Variants in TOP2A observed in about 807,000 individuals in gnomAD.
The protein encoded by TOP2A is DNA topoisomerase 2-alpha.
In TOP2A, 68 loss-of-function variants were observed where a neutral mutation model predicts 187.2. The observed-to-expected ratio is 0.36, with a 90% CI of 0.30 to 0.44. The LOEUF (loss-of-function observed/expected upper bound fraction) is 0.44, where lower values mean the gene tolerates loss of function less well. TOP2A is among the 20% of genes least tolerant of loss of function. TOP2A has a pLI of 1.00. For synonymous variants in TOP2A, 542 were observed against 593.2 expected (o/e 0.91, Z 1.25); for missense variants, 1,196 against 1,808.7 (o/e 0.66, Z 6.14).
Position 40,392,722 on chromosome 17 carries a change from TTCTTTG to T in TOP2A, c.3821_3826del (p.Thr1274_Lys1275del). The T allele has an allele frequency of 6.2e-7, 1 of 1,610,792 alleles. No individual in the cohort carries two copies. Among genetic ancestry groups the T allele is most frequent in the Non-Finnish European group, 8.5e-7 (1 of 1,179,486 alleles). ...TGGCTTAAATGCCAATGTAGTTTGT[TTCTTTG>T]TCTTTGTACCTAGAGGGGAGATAGA... On this transcript the variant is annotated inframe_deletion, in exon 30 of 35. Transcript: ENST00000423485.
At chr17:40,394,568 A>G (rs1481476051) in intron 29 of TOP2A, among the ~76,000 whole-genome samples, 1 of 152,156 alleles carries the variant, frequency 6.6e-6, no homozygotes, top group Non-Finnish European at 1.5e-5. Context: ...CCTGACCTCA[A>G]GTGATCCGCC....
chr17:40,408,420 C>T lies in TOP2A; in HGVS notation c.1342+72G>A, dbSNP rs149091821. 3.7e-4 allele frequency: 523 copies of T among 1,407,602 alleles called. 3 individuals carry two copies. In the African/African-American group the frequency reaches 6.4e-3, roughly 17 times the overall value. The allele number at this position is 1,407,602 out of a possible 1,614,324, so 87.2% of individuals were successfully genotyped here. A position where few individuals can be genotyped will look rare whatever the true frequency, so the allele number is the denominator to read the frequency against. On this transcript the variant is annotated intron_variant, in intron 11 of 34. Coordinates refer to ENST00000423485, the MANE Select transcript of TOP2A (RefSeq NM_001067.4). Reference sequence around the variant, plus strand: ...TTCTGTCAAGGGAAAAATAAATATCCGTGGTATGCCATTAATGAATAAAAT... The same window carrying T: ...TTCTGTCAAGGGAAAAATAAATATCTGTGGTATGCCATTAATGAATAAAAT...
At chr17:40,399,353 TG>T in intron 24 of TOP2A, 1 of 492,090 alleles carries the variant, frequency 2.0e-6, no homozygotes, top group South Asian at 2.4e-5. Context: ...CATTTTTTTT[TG>T]GAGACAGGGT....
intron 1 of TOP2A, chr17:40,417,559 C>T: frequency 7.0e-7 from 1 of 1,433,224 alleles, no homozygotes; most frequent in Admixed American, 2.7e-5. Context: ...CAACAACGCA[C>T]GACACCCTGG....
At chr17:40,409,638 A>T (rs2035295082) in intron 10 of TOP2A, 3 of 280,500 alleles carry the variant, frequency 1.1e-5, no homozygotes, top group Non-Finnish European at 2.1e-5. Flanking sequence ...GCATGTCTGT[A>T]ATCCCCGCTA....
chr17:40,399,795 T>C, intron 24 of TOP2A, 77 bp downstream of exon 24: 2 of 1,321,806 alleles, frequency 1.5e-6, no homozygotes, highest in South Asian at 1.5e-5. Flanking sequence ...TCTCCACCAT[T>C]ACTCTCACCA....
At chr17:40,408,418 T>G in intron 11 of TOP2A, 74 bp downstream of exon 11, 1 of 1,407,714 alleles carries the variant, frequency 7.1e-7, no homozygotes, top group Non-Finnish European at 9.6e-7. Flanking sequence ...AAAATAAATA[T>G]CCGTGGTATG....
chr17:40,395,085 C>T lies in TOP2A; in HGVS notation c.3811+364G>A, dbSNP rs146118252. On this transcript the variant is annotated intron_variant, in intron 29 of 34. Transcript: ENST00000423485. Reference sequence around the variant, plus strand: ...AAATCACAAGGTCAGGAGTTTGAGACCAGCCTGACTAACATGGTGAAACCC... The same window carrying T: ...AAATCACAAGGTCAGGAGTTTGAGATCAGCCTGACTAACATGGTGAAACCC... Among the ~76,000 whole-genome samples, 883 of 152,078 alleles carry T rather than the reference C, an allele frequency of 5.8e-3. 8 individuals carry two copies. Among genetic ancestry groups the T allele is most frequent in the African/African-American group, 0.02 (823 of 41,486 alleles).
At chr17:40,415,161 TCTC>T (rs1360183503) in intron 4 of TOP2A, among the ~76,000 whole-genome samples, 2 of 151,658 alleles carry the variant, frequency 1.3e-5, no homozygotes, top group African/African-American at 4.8e-5. Flanking sequence ...TTCATGCCAT[TCTC>T]CTGCCTCAGC....
Position 40,413,123 on chromosome 17 carries a change from A to G in TOP2A, c.576+72T>C, listed in dbSNP as rs189276981. On this transcript the variant is annotated intron_variant, in intron 6 of 34. Coordinates refer to ENST00000423485, the MANE Select transcript of TOP2A (RefSeq NM_001067.4). ...TTATAAATTATGTTAAATTAAACCA[A>G]TCATTAATGCCATTATAAATGGCTA... The G allele has an allele frequency of 1.7e-3, 2,315 of 1,329,504 alleles. 8 individuals carry two copies. The highest frequency in any genetic ancestry group is 2.2e-3 in the South Asian group (172 of 78,694). 82.4% of individuals were successfully genotyped at this position (1,329,504 alleles called of 1,614,324 possible). A position where few individuals can be genotyped will look rare whatever the true frequency, so the allele number is the denominator to read the frequency against.
intron 6 of TOP2A, 104 bp downstream of exon 6, chr17:40,413,091 C>G (rs2035343762): frequency 7.8e-7 from 1 of 1,282,910 alleles, no homozygotes; most frequent in Non-Finnish European, 1.1e-6. Flanking sequence ...TTCCATACTT[C>G]AATAGCTTAT....
At position 40,417,840 on chromosome 17, in the gene TOP2A, C is replaced by T. The variant is rs367928636; in HGVS notation, c.-49G>A. The T allele has an allele frequency of 9.9e-6, 16 of 1,611,092 alleles. No individual in the cohort carries two copies. Among genetic ancestry groups the T allele is most frequent in the Admixed American group, 1.7e-5 (1 of 59,646 alleles). On this transcript the variant is annotated 5_prime_UTR_variant, in exon 1 of 35. Coordinates refer to ENST00000423485, the MANE Select transcript of TOP2A (RefSeq NM_001067.4). ...AGAACCCTGAAAGCGACTAAACAGG[C>T]AGGACCCCACGAGACCACCCCCGAC...
At chr17:40,410,884 G>A (rs1401653873) in intron 10 of TOP2A, among the ~76,000 whole-genome samples, 2 of 152,204 alleles carry the variant, frequency 1.3e-5, no homozygotes, top group Non-Finnish European at 2.9e-5. Context: ...TAATTCAAAA[G>A]TGATCTAAGC....
chr17:40,402,926 T>A lies in TOP2A; in HGVS notation c.2412A>T (p.Arg804=). The change falls in exon 20 of 35, where the codon CGA becomes CGT. Residue 804 remains arginine (R), a synonymous_variant. Transcript: ENST00000423485. ...CCTACCTGAGCATTGTAAAGATGTA[T>A]CGTGGACTAGCAGAATCCTTGCCAC... is the stretch of plus-strand genomic sequence containing the variant. ...LHGGKDSASP[R]YIFTMLSSLA... is the part of the protein sequence containing the mutation. 6.2e-7 allele frequency: 1 copy of A among 1,609,138 alleles called. No homozygotes were observed. Among genetic ancestry groups the A allele is most frequent in the African/African-American group, 1.3e-5 (1 of 75,012 alleles).
Position 40,411,619 on chromosome 17 carries a change from G to A in TOP2A, c.963+26C>T. 2 of 1,592,688 alleles carry A rather than the reference G, an allele frequency of 1.3e-6. No homozygotes were observed. Among genetic ancestry groups the A allele is most frequent in the Non-Finnish European group, 8.6e-7 (1 of 1,167,480 alleles). ...ACACATATATGTAAAGATAAATCAT[G>A]ATTAATAATTTAAGAATAAAATTAC... is the stretch of plus-strand genomic sequence containing the variant. On this transcript the variant is annotated intron_variant, in intron 8 of 34. Coordinates refer to ENST00000423485, the MANE Select transcript of TOP2A (RefSeq NM_001067.4). This position sits in a 1 kb window ranked among gnomAD's most constrained non-coding sequence, Gnocchi z 4.4.
chr17:40,413,309 G>T lies in TOP2A; in HGVS notation c.479-17C>A. On this transcript the variant is annotated splice_polypyrimidine_tract_variant and intron_variant, in intron 5 of 34. Coordinates refer to ENST00000423485, the MANE Select transcript of TOP2A (RefSeq NM_001067.4). ...TTCGACCACCTGGGCAAATAAATAT[G>T]AAACACTATTTTATTGTTACTATCT... 1 of 1,537,512 alleles carries T rather than the reference G, an allele frequency of 6.5e-7. No homozygotes were observed. Among genetic ancestry groups the T allele is most frequent in the South Asian group, 1.2e-5 (1 of 83,046 alleles).
At chr17:40,416,130 CTAAG>C (rs2143695184) in intron 3 of TOP2A, 62 bp from the exon 4 acceptor site, 1 of 1,278,762 alleles carries the variant, frequency 7.8e-7, no homozygotes, top group Non-Finnish European at 1.1e-6. Context: ...TTCTGTAACT[CTAAG>C]TAAGATATAG....
intron 19 of TOP2A, among the ~76,000 whole-genome samples, chr17:40,403,603 ATAAT>A (rs2035206827): frequency 6.6e-6 from 1 of 152,262 alleles, no homozygotes; most frequent in Non-Finnish European, 1.5e-5. Context: ...ACTGTTTTAC[ATAAT>A]TAATGCAAAA....
chr17:40,401,190 C>T lies in TOP2A; in HGVS notation c.2433-109G>A. The T allele has an allele frequency of 4.5e-6, 4 of 896,056 alleles. No individual in the cohort carries two copies. The South Asian group carries it at 5.1e-5, about 12-fold the overall frequency. The allele number at this position is 896,056 out of a possible 1,614,324, so 55.5% of individuals were successfully genotyped here. A position where few individuals can be genotyped will look rare whatever the true frequency, so the allele number is the denominator to read the frequency against. On this transcript the variant is annotated intron_variant, in intron 20 of 34. Coordinates refer to ENST00000423485, the MANE Select transcript of TOP2A (RefSeq NM_001067.4). ...ATGAAAATTATCTTGGTTTTACTTG[C>T]TGACTAATATACATTTAACAATATT...
Sources: gnomAD v4.1 joint callset for allele counts (sites outside exome capture counted in the v4.1 genomes callset) on GRCh38, gnomAD v4.1.1 for gene constraint, Gnocchi (gnomAD v3.1) non-coding constraint, MANE v1.5 for transcripts, NCBI Gene and HGNC (gene_info 2026-07-23, HGNC 2026-07-21) for gene names.